FKBP5: variants seen among roughly 807,000 people sequenced by gnomAD.
FKBP5 encodes the protein FKBP prolyl isomerase 5.
In FKBP5, 23 loss-of-function variants were observed where a neutral mutation model predicts 50.5. That is an observed-to-expected ratio of 0.46 (90% CI 0.33 to 0.65). The LOEUF (loss-of-function observed/expected upper bound fraction) is 0.65, where lower values mean the gene tolerates loss of function less well. FKBP5 is among the 30% of genes least tolerant of loss of function. The pLI is 0.02. For missense variants in FKBP5, 411 were observed against 553.1 expected, an observed-to-expected ratio of 0.74 and a Z score of 2.58; for synonymous variants, 176 against 190.6, an observed-to-expected ratio of 0.92 and a Z score of 0.63.
chr6:35,682,621 T>A (rs1765698659), intron 1 of FKBP5, among the ~76,000 whole-genome samples: 1 of 152,194 alleles, frequency 6.6e-6, no homozygotes, highest in Admixed American at 6.5e-5. Flanking sequence ...TCTAGAAATT[T>A]ACCACTGCCC....
At chr6:35,688,654 C>T (rs13215797) in intron 1 of FKBP5, 150 bp downstream of exon 1, 16,794 of 150,722 alleles carry the variant, frequency 0.11, 1,284 homozygotes, top group Admixed American at 0.22. Flanking sequence ...GACCCCGCTC[C>T]CCCGCGACAC....
At chr6:35,683,773 TG>T (rs1765747391) in intron 1 of FKBP5, among the ~76,000 whole-genome samples, 1 of 151,388 alleles carries the variant, frequency 6.6e-6, no homozygotes, top group Non-Finnish European at 1.5e-5. Context: ...ATTCCTAGGC[TG>T]GGCATGGTGG....
intron 1 of FKBP5, among the ~76,000 whole-genome samples, chr6:35,679,380 GAAA>G (rs1765607880): frequency 8.5e-5 from 13 of 152,162 alleles, no homozygotes; most frequent in Admixed American, 8.5e-4. Context: ...ACACCATAGT[GAAA>G]TGGACCATAA....
At chr6:35,608,311 C>T (rs541834683) in intron 5 of FKBP5, among the ~76,000 whole-genome samples, 2 of 150,918 alleles carry the variant, frequency 1.3e-5, no homozygotes, top group East Asian at 3.9e-4. Flanking sequence ...CTCGGCATTA[C>T]AGACAATATA....
chr6:35,586,082 G>C, intron 8 of FKBP5: 1 of 985,138 alleles, frequency 1.0e-6, no homozygotes, highest in Non-Finnish European at 1.2e-6. Flanking sequence ...GAAAACGAAA[G>C]AAACCTTGAC....
In FKBP5 at chr6:35,573,667, C is replaced by A. The variant is rs992658375; in HGVS notation, c.*2168G>T. ...GATTTTTTTTTTTTAAAAACAATGT[C>A]TTTAATTCCTCATATGCTGACTTGG... On this transcript the variant is annotated 3_prime_UTR_variant, in exon 11 of 11. Coordinates refer to ENST00000357266, the MANE Select transcript of FKBP5 (RefSeq NM_004117.4). 1.4e-4 allele frequency: 21 copies of A among 151,916 alleles called. No homozygotes were observed. Among genetic ancestry groups the A allele is most frequent in the African/African-American group, 4.8e-4 (20 of 41,404 alleles). 9.4% of individuals were successfully genotyped at this position (151,916 alleles called of 1,614,324 possible). A position where few individuals can be genotyped will look rare whatever the true frequency, so the allele number is the denominator to read the frequency against.
At chr6:35,702,342 A>G (rs891168313) in intron 2 of FKBP5, among the ~76,000 whole-genome samples, 10 of 145,394 alleles carry the variant, frequency 6.9e-5, no homozygotes, top group Non-Finnish European at 1.5e-5. Flanking sequence ...AAACCTTCAC[A>G]TGTACCCCGA....
At chr6:35,608,762 T>C (rs551466879) in intron 5 of FKBP5, among the ~76,000 whole-genome samples, 1 of 152,308 alleles carries the variant, frequency 6.6e-6, no homozygotes, top group East Asian at 1.9e-4. Flanking sequence ...CTCACCACCT[T>C]TTGTTAAAAT....
At chr6:35,653,413 G>A (rs1764866801) in intron 1 of FKBP5, among the ~76,000 whole-genome samples, 1 of 152,114 alleles carries the variant, frequency 6.6e-6, no homozygotes, top group African/African-American at 2.4e-5. Context: ...TGGGATATGA[G>A]GGAAGTCCTC....
chr6:35,624,090 T>C (rs1763924855), intron 3 of FKBP5, among the ~76,000 whole-genome samples: 1 of 152,090 alleles, frequency 6.6e-6, no homozygotes, highest in Non-Finnish European at 1.5e-5. Context: ...CACCTCAGCT[T>C]CTGAGTGGCT....
intron 5 of FKBP5, among the ~76,000 whole-genome samples, chr6:35,605,383 CTTTTTTTTTTTT>C (rs1158530509): frequency 1.9e-4 from 10 of 52,308 alleles, no homozygotes; most frequent in Admixed American, 3.4e-4. Context: ...ATGACAATAT[CTTTTTTTTTTTT>C]TTTTTTTTTT....
intron 1 of FKBP5, among the ~76,000 whole-genome samples, chr6:35,677,984 T>C (rs1320727644): frequency 6.6e-6 from 1 of 152,110 alleles, no homozygotes; most frequent in Non-Finnish European, 1.5e-5. Flanking sequence ...CTATTTTACA[T>C]CGAGGGCATA....
Position 35,575,912 on chromosome 6 carries a change from T to C in FKBP5, c.1297A>G (p.Thr433Ala), listed in dbSNP as rs1762197890. Residue 433 changes from threonine to alanine, a missense_variant, in exon 11 of 11, where the codon ACT (threonine) becomes GCT (alanine). Transcript: ENST00000357266. The part of the protein sequence containing the change: ...EEANKAMGKK[T>A]SEGVTNEKGT... ...TTTTCATTAGTGACCCCTTCTGAAG[T>C]CTTCTTGCCCATTGCTTTATTGGCC... is the stretch of plus-strand genomic sequence containing the variant. The C allele has an allele frequency of 6.2e-7, 1 of 1,613,728 alleles. No homozygotes were observed. The highest frequency in any genetic ancestry group is 8.5e-7 in the Non-Finnish European group (1 of 1,179,758).
At chr6:35,671,126 T>C (rs1420874364) in intron 1 of FKBP5, among the ~76,000 whole-genome samples, 2 of 152,022 alleles carry the variant, frequency 1.3e-5, no homozygotes, top group Admixed American at 1.3e-4. Context: ...TAGTTGGGCA[T>C]GGTGGTGCAC....
In FKBP5 at chr6:35,658,679, T is replaced by TTA. The variant is rs1189187920; in HGVS notation, c.-19-15837_-19-15836insTA. Among the ~76,000 whole-genome samples, 10 of 88,384 alleles carry TTA rather than the reference T, an allele frequency of 1.1e-4. 2 individuals are homozygous for TTA. Among genetic ancestry groups the TTA allele is most frequent in the South Asian group, 7.7e-4 (2 of 2,586 alleles). 58.0% of individuals were successfully genotyped at this position (88,384 alleles called of 152,430 possible). A position where few individuals can be genotyped will look rare whatever the true frequency, so the allele number is the denominator to read the frequency against. ...GTGGTACATGACATTGGTTTTCAAA[T>TTA]GTTAAACCAACCTTGGATACCTGGA... On this transcript the variant is annotated intron_variant, in intron 1 of 10. Transcript: ENST00000357266.
chr6:35,582,951 G>C (rs2150953677), intron 8 of FKBP5: 1 of 822,534 alleles, frequency 1.2e-6, no homozygotes, highest in East Asian at 1.2e-4. Context: ...AAGTGGTGTG[G>C]TGGCTCACGC....
rs193129738 is a variant in FKBP5, at chr6:35,613,481, G to T, written c.508+5615C>A. On this transcript the variant is annotated intron_variant, in intron 5 of 10. Transcript: ENST00000357266. ...TCTGCCCACCTCGGCCTCCCAAAGT[G>T]CTGGGATTACAGGCGTGAGCCACCG... 2.2e-3 allele frequency among the ~76,000 whole-genome samples: 331 copies of T among 152,314 alleles called. 2 individuals are homozygous for T. Among genetic ancestry groups the T allele is most frequent in the Middle Eastern group, 0.014 (4 of 294 alleles).
chr6:35,721,043 C>T (rs1195211975), intron 1 of FKBP5, among the ~76,000 whole-genome samples: 25 of 152,180 alleles, frequency 1.6e-4, no homozygotes, highest in Admixed American at 1.6e-3. Context: ...TCCAAGATGA[C>T]TGTCCAGAAG....
chr6:35,672,015 T>C (rs180721578), intron 1 of FKBP5, among the ~76,000 whole-genome samples: 1 of 152,246 alleles, frequency 6.6e-6, no homozygotes, highest in Non-Finnish European at 1.5e-5. Flanking sequence ...ACTACAGGCT[T>C]CCGCCACCAC....
Sources: allele counts gnomAD v4.1 joint callset (sites outside exome capture counted in the v4.1 genomes callset), GRCh38; gene constraint gnomAD v4.1.1; transcripts MANE v1.5; gene names NCBI Gene and HGNC (gene_info 2026-07-23, HGNC 2026-07-21).